SAE1: variants seen among roughly 807,000 people sequenced by gnomAD.
SAE1 encodes SUMO1 activating enzyme subunit 1.
Under a neutral mutation model 40.6 loss-of-function variants are expected in SAE1, and 11 were observed. That is an observed-to-expected ratio of 0.27 (90% CI 0.17 to 0.45). SAE1 has a LOEUF of 0.45. Ranked by LOEUF, SAE1 falls within the 20% of genes least tolerant of loss-of-function variation. The pLI is 1.00. For synonymous variants in SAE1, 155 were observed against 154.3 expected (o/e 1.00, Z -0.03); for missense variants, 373 against 427.3 (o/e 0.87, Z 1.12).
intron 2 of SAE1, 78 bp downstream of exon 2, chr19:47,143,683 C>G: frequency 9.7e-7 from 1 of 1,030,078 alleles, no homozygotes; most frequent in East Asian, 2.4e-5. Flanking sequence ...TTGTGAGTTC[C>G]TCCTTGTGCC....
chr19:47,165,547 G>T (rs1238548862), intron 5 of SAE1, among the ~76,000 whole-genome samples: 2 of 152,174 alleles, frequency 1.3e-5, no homozygotes, highest in Admixed American at 1.3e-4. Flanking sequence ...GTTTTCAGGG[G>T]TTCATTCCAG....
At chr19:47,199,390 CAAAAAAA>C (rs35275499) in intron 7 of SAE1, among the ~76,000 whole-genome samples, 1 of 56,300 alleles carries the variant, frequency 1.8e-5, no homozygotes, top group Non-Finnish European at 3.5e-5. Flanking sequence ...GACTCCTTCT[CAAAAAAA>C]AAAAAAAAAA....
intron 7 of SAE1, among the ~76,000 whole-genome samples, chr19:47,198,942 CT>C (rs1431644081): frequency 2.0e-5 from 3 of 152,148 alleles, no homozygotes; most frequent in Non-Finnish European, 2.9e-5. Flanking sequence ...GAAAAATTAA[CT>C]GGGCATCGAT....
In SAE1 at chr19:47,173,835, A is replaced by G. The variant is rs9630861; in HGVS notation, c.733+3912A>G. Among the ~76,000 whole-genome samples the G allele has an allele frequency of 4.1e-3, 601 of 146,000 alleles. 6 individuals carry two copies. Among genetic ancestry groups the G allele is most frequent in the African/African-American group, 0.015 (579 of 39,024 alleles). On this transcript the variant is annotated intron_variant, in intron 6 of 8. Coordinates refer to ENST00000270225, the MANE Select transcript of SAE1 (RefSeq NM_005500.3). The stretch of plus-strand genomic sequence containing the variant: ...AGTCTCTCTCTGTCACCCAGGCTGG[A>G]GTGCAGTGGTGCAATCTCAGCTCAC...
Position 47,160,214 on chromosome 19 carries a change from A to ATTTTTT in SAE1, c.627+5021_627+5026dup, listed in dbSNP as rs748289334. 3.8e-4 allele frequency among the ~76,000 whole-genome samples: 28 copies of ATTTTTT among 74,590 alleles called. 1 individual carries two copies. Among genetic ancestry groups the ATTTTTT allele is most frequent in the African/African-American group, 1.1e-3 (20 of 18,198 alleles). The allele number at this position is 74,590 out of a possible 152,430, so 48.9% of individuals were successfully genotyped here. A position where few individuals can be genotyped will look rare whatever the true frequency, so the allele number is the denominator to read the frequency against. On this transcript the variant is annotated intron_variant, in intron 5 of 8. Transcript: ENST00000270225. ...AGGCCAGAGAGGTTCAAAATCCTGC[A>ATTTTTT]TTTTTTTTTTTTTTTTTTTTTTTTT... is the stretch of plus-strand genomic sequence containing the variant.
chr19:47,208,658 C>T (rs1360061504), intron 8 of SAE1, among the ~76,000 whole-genome samples: 1 of 152,192 alleles, frequency 6.6e-6, no homozygotes, highest in Admixed American at 6.6e-5. Context: ...CTCCCAACCT[C>T]AGGTGATCCG....
intron 6 of SAE1, among the ~76,000 whole-genome samples, chr19:47,183,135 C>T (rs2058521799): frequency 6.6e-6 from 1 of 152,080 alleles, no homozygotes. Flanking sequence ...AGGCTGGTCT[C>T]AAACTCTTGA....
chr19:47,179,621 C>G (rs1188764037), intron 6 of SAE1, among the ~76,000 whole-genome samples: 2 of 152,142 alleles, frequency 1.3e-5, no homozygotes, highest in Non-Finnish European at 2.9e-5. Context: ...TCATAACTTA[C>G]TGCAGCTTCT....
chr19:47,209,171 C>A lies in SAE1; in HGVS notation c.961C>A (p.Arg321=), dbSNP rs1372970285. The part of the protein sequence containing the change: ...AQEIVKALSQ[R]DPPHNNFFFF... ...TTTTTCTCCCCAGGCCCTGTCTCAG[C>A]GGGACCCTCCTCACAACAACTTCTT... The change falls in exon 9 of 9, where the codon CGG becomes AGG. Residue 321 remains arginine, a synonymous_variant. Coordinates refer to ENST00000270225, the MANE Select transcript of SAE1 (RefSeq NM_005500.3). The A allele has an allele frequency of 6.2e-7, 1 of 1,613,770 alleles. No individual in the cohort carries two copies. Among genetic ancestry groups the A allele is most frequent in the Admixed American group, 1.7e-5 (1 of 59,964 alleles).
chr19:47,148,943 T>C (rs556543457), intron 2 of SAE1, among the ~76,000 whole-genome samples: 7 of 152,064 alleles, frequency 4.6e-5, no homozygotes, highest in Admixed American at 3.9e-4. Context: ...TAAAAGTTCA[T>C]TTCAAGCATT....
chr19:47,165,076 CTT>C (rs769656956), intron 5 of SAE1, among the ~76,000 whole-genome samples: 746 of 59,040 alleles, frequency 0.013, 1 homozygote, highest in Middle Eastern at 0.025. Flanking sequence ...TGAGCCAAGT[CTT>C]TTTTTTTTTT....
chr19:47,160,658 G>A (rs1336054532), intron 5 of SAE1, among the ~76,000 whole-genome samples: 1 of 152,106 alleles, frequency 6.6e-6, no homozygotes, highest in Non-Finnish European at 1.5e-5. Context: ...GCCTCCCAAA[G>A]TGCTGGGATT....
chr19:47,178,295 G>A (rs376081696), intron 6 of SAE1, among the ~76,000 whole-genome samples: 7 of 152,032 alleles, frequency 4.6e-5, no homozygotes, highest in African/African-American at 1.2e-4. Context: ...TGAGGAAACC[G>A]TTGAAAAATG....
Position 47,155,296 on chromosome 19 carries a change from A to G in SAE1, c.627+83A>G, listed in dbSNP as rs1429131088. 7 of 961,080 alleles carry G rather than the reference A, an allele frequency of 7.3e-6. 1 individual carries two copies. In the South Asian group the frequency reaches 8.3e-5, roughly 11 times the overall value. The allele number at this position is 961,080 out of a possible 1,614,324, so 59.5% of individuals were successfully genotyped here. ...ATGACGATTGAAAAGGATAAGAGCA[A>G]GCACTTCTTGAAGGGGTGGGGCGGG... On this transcript the variant is annotated intron_variant, in intron 5 of 8. Coordinates refer to ENST00000270225, the MANE Select transcript of SAE1 (RefSeq NM_005500.3).
At chr19:47,137,411 ATAAAG>A (rs953132826) in intron 1 of SAE1, among the ~76,000 whole-genome samples, 19 of 152,206 alleles carry the variant, frequency 1.2e-4, no homozygotes, top group East Asian at 1.9e-4. Context: ...ATAAAATAAA[ATAAAG>A]TAAAGAAGCA....
chr19:47,201,719 C>T (rs1485277915), intron 7 of SAE1, among the ~76,000 whole-genome samples: 2 of 151,802 alleles, frequency 1.3e-5, no homozygotes, highest in Admixed American at 6.6e-5. Context: ...CTGCAACCTC[C>T]ACCTCCTGGG....
At chr19:47,170,718 G>A (rs1044255690) in intron 6 of SAE1, among the ~76,000 whole-genome samples, 5 of 152,038 alleles carry the variant, frequency 3.3e-5, no homozygotes, top group African/African-American at 1.2e-4. Flanking sequence ...ATGTAGCCAG[G>A]CTGGACTTGA....
intron 7 of SAE1, among the ~76,000 whole-genome samples, chr19:47,199,296 A>G (rs2058636941): frequency 6.7e-6 from 1 of 150,134 alleles, no homozygotes; most frequent in South Asian, 2.1e-4. Context: ...GAGGCAGGAG[A>G]ATGGCGTGAA....
At chr19:47,154,216 G>A (rs1186737746) in intron 4 of SAE1, among the ~76,000 whole-genome samples, 1 of 151,864 alleles carries the variant, frequency 6.6e-6, no homozygotes, top group African/African-American at 2.4e-5. Flanking sequence ...TCAGCTTCCT[G>A]AGTAGCTGGG....
Sources: allele counts gnomAD v4.1 joint callset (sites outside exome capture counted in the v4.1 genomes callset), GRCh38; gene constraint gnomAD v4.1.1; transcripts MANE v1.5; gene names NCBI Gene and HGNC (gene_info 2026-07-23, HGNC 2026-07-21).